The following BAALC variants were observed in gnomAD, a reference collection of about 807,000 sequenced individuals.
BAALC encodes the protein BAALC binder of MAP3K1 and KLF4.
A neutral mutation model predicts 15.5 loss-of-function variants in BAALC; 9 were observed. That is an observed-to-expected ratio of 0.58 (90% CI 0.35 to 1.02). The LOEUF (loss-of-function observed/expected upper bound fraction) is 1.02. BAALC is among the 50% of genes least tolerant of loss of function. The probability of loss-of-function intolerance (pLI) is 0.02; values close to 1 mark genes in which losing one functional copy is unlikely to be tolerated. For missense variants in BAALC, 201 were observed against 192.4 expected (o/e 1.04, Z -0.27); for synonymous variants, 80 against 74.6 (o/e 1.07, Z -0.37).
intron 1 of BAALC, among the ~76,000 whole-genome samples, chr8:103,152,855 A>G (rs962795921): frequency 1.9e-4 from 29 of 152,294 alleles, no homozygotes; most frequent in Non-Finnish European, 2.9e-5. Context: ...TTTCATCCTC[A>G]TGGCTGCGAG....
chr8:103,211,643 T>G (rs1812447906), intron 1 of BAALC, among the ~76,000 whole-genome samples: 1 of 152,236 alleles, frequency 6.6e-6, no homozygotes, highest in Non-Finnish European at 1.5e-5. Flanking sequence ...TTTTTGTAAC[T>G]GAAGTTTCCT....
chr8:103,199,655 C>A (rs1458453338), intron 1 of BAALC, among the ~76,000 whole-genome samples: 2 of 146,410 alleles, frequency 1.4e-5, no homozygotes, highest in Non-Finnish European at 3.0e-5. Context: ...TAATTTCTTT[C>A]TTTTTTTTTT....
chr8:103,178,887 A>T (rs1177412995), intron 1 of BAALC, among the ~76,000 whole-genome samples: 6 of 151,976 alleles, frequency 3.9e-5, no homozygotes, highest in African/African-American at 1.4e-4. Flanking sequence ...AGTTAATTTA[A>T]AAACAAAATA....
chr8:103,190,532 G>A (rs1168443802), intron 1 of BAALC, among the ~76,000 whole-genome samples: 1 of 152,060 alleles, frequency 6.6e-6, no homozygotes, highest in African/African-American at 2.4e-5. Flanking sequence ...TGACTATTTA[G>A]CAATTATCTA....
chr8:103,194,284 T>G (rs1297788122), intron 1 of BAALC, among the ~76,000 whole-genome samples: 1 of 152,238 alleles, frequency 6.6e-6, no homozygotes, highest in African/African-American at 2.4e-5. Context: ...AAGCAAGCCA[T>G]CAGATCATTC....
intron 1 of BAALC, among the ~76,000 whole-genome samples, chr8:103,151,294 G>A (rs537959754): frequency 6.6e-6 from 1 of 152,304 alleles, no homozygotes; most frequent in Admixed American, 6.5e-5. Flanking sequence ...TGCAATTACA[G>A]GTGTGAGCCA....
At chr8:103,222,471 A>G (rs778424123) in intron 2 of BAALC, among the ~76,000 whole-genome samples, 2 of 152,206 alleles carry the variant, frequency 1.3e-5, no homozygotes, top group Non-Finnish European at 2.9e-5. Context: ...ATGAGAATTT[A>G]TGGTTTGTAG....
chr8:103,200,288 T>A (rs920426409), intron 1 of BAALC, among the ~76,000 whole-genome samples: 1 of 152,220 alleles, frequency 6.6e-6, no homozygotes, highest in Non-Finnish European at 1.5e-5. Flanking sequence ...GAAGACAGTG[T>A]GGCAAAACCT....
intron 2 of BAALC, among the ~76,000 whole-genome samples, chr8:103,213,754 C>T (rs550631080): frequency 6.6e-6 from 1 of 152,276 alleles, no homozygotes; most frequent in Admixed American, 6.5e-5. Context: ...CCCAGTTCCT[C>T]CTTCTGACTT....
intron 1 of BAALC, among the ~76,000 whole-genome samples, chr8:103,187,516 A>G (rs760302200): frequency 2.0e-5 from 3 of 152,234 alleles, no homozygotes; most frequent in Non-Finnish European, 4.4e-5. Context: ...ATTGTAAAGC[A>G]GGAGAGGAGA....
At chr8:103,145,937 T>C (rs1334875923) in intron 1 of BAALC, among the ~76,000 whole-genome samples, 1 of 152,260 alleles carries the variant, frequency 6.6e-6, no homozygotes, top group Non-Finnish European at 1.5e-5. Context: ...TTGCTGACCT[T>C]GATTCATTTT....
intron 1 of BAALC, among the ~76,000 whole-genome samples, chr8:103,205,361 A>G (rs1378143652): frequency 1.3e-5 from 2 of 152,266 alleles, no homozygotes; most frequent in Middle Eastern, 6.8e-3. Context: ...CAGTGATTTG[A>G]CTTGTTTCCT....
At chr8:103,145,464 A>G (rs997956046) in intron 1 of BAALC, among the ~76,000 whole-genome samples, 1 of 152,238 alleles carries the variant, frequency 6.6e-6, no homozygotes, top group South Asian at 2.1e-4. Context: ...TCGGTTTGTC[A>G]AAGTCCCTCT....
At chr8:103,148,264 C>T (rs1371806808) in intron 1 of BAALC, among the ~76,000 whole-genome samples, 2 of 152,174 alleles carry the variant, frequency 1.3e-5, no homozygotes, top group African/African-American at 4.8e-5. Flanking sequence ...GGTGATGCTG[C>T]CACCAGCCAA....
intron 1 of BAALC, among the ~76,000 whole-genome samples, chr8:103,198,531 G>A (rs1337728120): frequency 6.6e-6 from 1 of 151,746 alleles, no homozygotes; most frequent in Non-Finnish European, 1.5e-5. Context: ...CATCTCTCTA[G>A]TTTGTTTTCT....
At chr8:103,167,314 A>T (rs1402584057) in intron 1 of BAALC, among the ~76,000 whole-genome samples, 2 of 152,142 alleles carry the variant, frequency 1.3e-5, no homozygotes. Flanking sequence ...ATCTAGGAGG[A>T]GTCCTTGTGG....
At chr8:103,226,315 T>C (rs1812805944) in intron 2 of BAALC, among the ~76,000 whole-genome samples, 1 of 152,246 alleles carries the variant, frequency 6.6e-6, no homozygotes. Flanking sequence ...CTGACCTGTT[T>C]AGGGCCCAAA....
At chr8:103,180,536 A>T (rs1811703491) in intron 1 of BAALC, among the ~76,000 whole-genome samples, 1 of 152,204 alleles carries the variant, frequency 6.6e-6, no homozygotes, top group South Asian at 2.1e-4. Flanking sequence ...TGGCAGTTAC[A>T]GGAAGGAGGC....
At chr8:103,217,072 C>G (rs1812573689) in intron 2 of BAALC, among the ~76,000 whole-genome samples, 2 of 152,188 alleles carry the variant, frequency 1.3e-5, no homozygotes, top group Admixed American at 6.5e-5. Flanking sequence ...ACCACACACA[C>G]CTGCCCAACG....
Sources: gnomAD v4.1 joint callset for allele counts (sites outside exome capture counted in the v4.1 genomes callset) on GRCh38, gnomAD v4.1.1 for gene constraint, MANE v1.5 for transcripts, NCBI Gene and HGNC (gene_info 2026-07-23, HGNC 2026-07-21) for gene names.